Variants in RALB observed in about 807,000 individuals in gnomAD.
RALB encodes the protein RAS like proto-oncogene B.
In RALB, 16 loss-of-function variants were observed where a neutral mutation model predicts 21.3. The ratio of observed to expected loss-of-function variants is 0.75; its 90% CI spans 0.51 to 1.14. The LOEUF (loss-of-function observed/expected upper bound fraction) is 1.14. Among genes scored for constraint, RALB ranks in the 50% most tolerant of loss-of-function variants. The pLI is 0.00. For missense variants in RALB, 161 were observed against 256.2 expected (o/e 0.63, Z 2.54); for synonymous variants, 93 against 96.1 (o/e 0.97, Z 0.19).
chr2:120,278,395 G>A (rs751344312), intron 1 of RALB, among the ~76,000 whole-genome samples: 5 of 152,282 alleles, frequency 3.3e-5, no homozygotes, highest in African/African-American at 9.6e-5. Flanking sequence ...TGGGGTGTGC[G>A]CTCCTGTTTC....
intron 1 of RALB, among the ~76,000 whole-genome samples, chr2:120,277,796 AGT>A (rs1051512428): frequency 4.0e-5 from 6 of 149,954 alleles, no homozygotes; most frequent in East Asian, 2.0e-4. Flanking sequence ...AGCCTGTGAT[AGT>A]GTGTGAGAGC....
At chr2:120,275,067 T>C (rs1413050812) in intron 1 of RALB, among the ~76,000 whole-genome samples, 1 of 152,220 alleles carries the variant, frequency 6.6e-6, no homozygotes, top group African/African-American at 2.4e-5. Context: ...TTATTGGCTT[T>C]AGAGGAGTGT....
At chr2:120,267,248 C>A (rs1403424301) in intron 1 of RALB, among the ~76,000 whole-genome samples, 2 of 151,972 alleles carry the variant, frequency 1.3e-5, no homozygotes, top group African/African-American at 4.8e-5. Flanking sequence ...AAAGAGGTAT[C>A]CATTAGGGAA....
intron 1 of RALB, among the ~76,000 whole-genome samples, chr2:120,269,436 G>A (rs953168093): frequency 8.5e-5 from 13 of 152,078 alleles, no homozygotes; most frequent in African/African-American, 2.7e-4. Context: ...TGCTGGCTGG[G>A]GTGGCCAGTT....
At chr2:120,252,761 G>A (rs1183736919), upstream of RALB, 8 of 984,812 alleles carry the variant, frequency 8.1e-6, no homozygotes, top group South Asian at 2.3e-4. Context: ...GACGGGCGTG[G>A]CTTCCGAGGA....
At chr2:120,264,021 G>A (rs897737409) in intron 1 of RALB, among the ~76,000 whole-genome samples, 1 of 151,410 alleles carries the variant, frequency 6.6e-6, no homozygotes, top group Non-Finnish European at 1.5e-5. Context: ...GCTAATTTTT[G>A]TATTTTTAGT....
rs527409121 is a variant in RALB, at chr2:120,271,720, C to T, written c.-47-6898C>T. Among the ~76,000 whole-genome samples the T allele has an allele frequency of 2.6e-5, 4 of 152,348 alleles. No homozygotes were observed. In the South Asian group the frequency reaches 8.3e-4, roughly 32 times the overall value. On this transcript the variant is annotated intron_variant, in intron 1 of 4. Coordinates refer to ENST00000272519, the MANE Select transcript of RALB (RefSeq NM_002881.3). ...TGGAATATGTTCTCACTCCCATCTG[C>T]TGAATGGACTATTATTAACCTTTGG...
Position 120,278,619 on chromosome 2 carries a change from T to G in RALB, c.-46T>G, listed in dbSNP as rs1347908921. ...AGTCTTTGTCTTTGTCATCAGCAGC[T>G]CTTCAGTGGGTCATCTGTGTGTCAC... is the stretch of plus-strand genomic sequence containing the variant. On this transcript the variant is annotated splice_region_variant and 5_prime_UTR_variant, in exon 2 of 5. Transcript: ENST00000272519. The G allele has an allele frequency of 2.0e-6, 3 of 1,503,906 alleles. No homozygotes were observed. In the East Asian group the frequency reaches 7.6e-5, roughly 38 times the overall value. 93.2% of individuals were successfully genotyped at this position (1,503,906 alleles called of 1,614,324 possible). A position where few individuals can be genotyped will look rare whatever the true frequency, so the allele number is the denominator to read the frequency against.
intron 2 of RALB, among the ~76,000 whole-genome samples, chr2:120,283,715 G>T (rs1573354170): frequency 6.6e-6 from 1 of 152,222 alleles, no homozygotes; most frequent in South Asian, 2.1e-4. Context: ...TTAGAGGAAA[G>T]TCAGCTTAGA....
At chr2:120,289,071 C>A (rs1690243017) in intron 3 of RALB, among the ~76,000 whole-genome samples, 1 of 152,102 alleles carries the variant, frequency 6.6e-6, no homozygotes, top group African/African-American at 2.4e-5. Flanking sequence ...CTGGTTGCGA[C>A]CCACTAGATT....
At chr2:120,257,063 A>G (rs183689505) in intron 1 of RALB, among the ~76,000 whole-genome samples, 2 of 152,356 alleles carry the variant, frequency 1.3e-5, no homozygotes, top group South Asian at 2.1e-4. Flanking sequence ...AGCTTTGGAA[A>G]TAGAAATTCA....
chr2:120,273,391 G>A lies in RALB; in HGVS notation c.-47-5227G>A, dbSNP rs1232472080. ...AAAACATCTCAAAAGACCAATCTTA[G>A]GTTCTGCAATACTGATGTTATCTAT... On this transcript the variant is annotated intron_variant, in intron 1 of 4. Coordinates refer to ENST00000272519, the MANE Select transcript of RALB (RefSeq NM_002881.3). 5.3e-5 allele frequency among the ~76,000 whole-genome samples: 8 copies of A among 152,166 alleles called. No individual in the cohort carries two copies. The East Asian group carries it at 1.3e-3, about 26-fold the overall frequency.
chr2:120,280,031 C>T (rs1036566775), intron 2 of RALB, among the ~76,000 whole-genome samples: 5 of 152,164 alleles, frequency 3.3e-5, no homozygotes, highest in African/African-American at 4.8e-5. Context: ...ACTGTGCTGA[C>T]GTGCGAACAT....
intron 3 of RALB, among the ~76,000 whole-genome samples, chr2:120,286,873 A>T (rs1690173555): frequency 6.6e-6 from 1 of 152,214 alleles, no homozygotes; most frequent in African/African-American, 2.4e-5. Context: ...AAGAAAAAGA[A>T]AATATAGCAG....
At chr2:120,283,538 G>A (rs908706705) in intron 2 of RALB, among the ~76,000 whole-genome samples, 5 of 152,216 alleles carry the variant, frequency 3.3e-5, no homozygotes, top group Non-Finnish European at 4.4e-5. Flanking sequence ...TCTTGTCTAA[G>A]TTCTGACTTT....
chr2:120,292,964 G>C (rs985151095), intron 4 of RALB, among the ~76,000 whole-genome samples, 177 bp from the exon 5 acceptor site: 7 of 152,146 alleles, frequency 4.6e-5, no homozygotes, highest in African/African-American at 1.7e-4. Context: ...GTTGACATAT[G>C]GTTTATAAAA....
chr2:120,259,274 A>G (rs1041176288), intron 1 of RALB, among the ~76,000 whole-genome samples: 9 of 152,178 alleles, frequency 5.9e-5, no homozygotes, highest in Admixed American at 2.0e-4. Flanking sequence ...CCCCACCCAC[A>G]TCCTGCTGAT....
intron 1 of RALB, among the ~76,000 whole-genome samples, chr2:120,263,871 A>G (rs1432076703): frequency 7.0e-6 from 1 of 141,916 alleles, no homozygotes; most frequent in African/African-American, 2.7e-5. Flanking sequence ...TTTTTGATAC[A>G]GAGTCTTGCT....
intron 3 of RALB, among the ~76,000 whole-genome samples, chr2:120,286,641 T>C (rs1048086527): frequency 4.6e-5 from 7 of 152,174 alleles, no homozygotes; most frequent in African/African-American, 1.7e-4. Flanking sequence ...CAAGTTTACT[T>C]AGTGTCAGGA....
Sources: allele counts gnomAD v4.1 joint callset (sites outside exome capture counted in the v4.1 genomes callset), GRCh38; gene constraint gnomAD v4.1.1; transcripts MANE v1.5; gene names NCBI Gene and HGNC (gene_info 2026-07-23, HGNC 2026-07-21).